The following SEPHS1 variants were observed in gnomAD, a reference collection of about 807,000 sequenced individuals.
SEPHS1 encodes selenophosphate synthetase 1, also known as zincore component SEPHS1.
In SEPHS1, 7 loss-of-function variants were observed where a neutral mutation model predicts 39.2. That is an observed-to-expected ratio of 0.18 (90% confidence interval 0.10 to 0.34). The LOEUF (loss-of-function observed/expected upper bound fraction) is 0.34. Ranked by LOEUF, SEPHS1 falls within the 10% of genes least tolerant of loss-of-function variation. The pLI, the probability that SEPHS1 is intolerant of heterozygous loss-of-function variation, is 1.00. For synonymous variants in SEPHS1, 190 were observed against 195.5 expected (o/e 0.97, Z 0.23); for missense variants, 253 against 514.5 (o/e 0.49, Z 4.92).
chr10:13,344,170 A>G (rs1246765536), intron 2 of SEPHS1, among the ~76,000 whole-genome samples: 2 of 152,100 alleles, frequency 1.3e-5, no homozygotes, highest in Admixed American at 6.5e-5. Context: ...GAGAACCCCA[A>G]TGCCCTCCTG....
chr10:13,341,742 G>A (rs1833791172), intron 2 of SEPHS1, among the ~76,000 whole-genome samples: 1 of 151,452 alleles, frequency 6.6e-6, no homozygotes, highest in East Asian at 2.0e-4. Flanking sequence ...AGATCACTTA[G>A]AGTCAGGAGT....
At chr10:13,332,571 C>T (rs1029376649) in intron 5 of SEPHS1, among the ~76,000 whole-genome samples, 4 of 152,100 alleles carry the variant, frequency 2.6e-5, no homozygotes, top group African/African-American at 4.8e-5. Flanking sequence ...CAGCCGGGCG[C>T]GGTGGCTCAC....
chr10:13,334,184 G>A (rs1833555357), intron 4 of SEPHS1, among the ~76,000 whole-genome samples: 1 of 152,054 alleles, frequency 6.6e-6, no homozygotes, highest in Admixed American at 6.6e-5. Context: ...GAGAGCTTGA[G>A]CCCAGGAGTT....
At chr10:13,319,557 C>T (rs1246169876) in intron 8 of SEPHS1, among the ~76,000 whole-genome samples, 5 of 152,196 alleles carry the variant, frequency 3.3e-5, no homozygotes, top group Admixed American at 3.3e-4. Context: ...GGTACAATCA[C>T]AGCTCACTGC....
intron 7 of SEPHS1, among the ~76,000 whole-genome samples, chr10:13,325,613 C>T (rs961234077): frequency 1.3e-5 from 2 of 152,142 alleles, no homozygotes; most frequent in Admixed American, 6.5e-5. Context: ...AAACCTCTTT[C>T]CTTTATAAAT....
At chr10:13,324,540 C>T (rs1365073357) in intron 7 of SEPHS1, among the ~76,000 whole-genome samples, 2 of 152,246 alleles carry the variant, frequency 1.3e-5, no homozygotes, top group Non-Finnish European at 2.9e-5. Flanking sequence ...TGCCAGTTTT[C>T]AGTCCTACCA....
chr10:13,336,287 T>G lies in SEPHS1; in HGVS notation c.361A>C (p.Asn121His). 1 of 1,614,064 alleles carries G rather than the reference T, an allele frequency of 6.2e-7. No homozygotes were observed. Among genetic ancestry groups the G allele is most frequent in the Non-Finnish European group, 8.5e-7 (1 of 1,179,964 alleles). ...LYAMGVTECD[N>H]MLMLLGVSNK... ...CTGACTCCAAGGAGCATCAGCATATTGTCACATTCCGTGACCCCCATTGCA... is the reference window on the plus strand; with the variant it reads ...CTGACTCCAAGGAGCATCAGCATATGGTCACATTCCGTGACCCCCATTGCA... Residue 121 changes from asparagine to histidine, a missense_variant, in exon 4 of 9, where the codon AAT becomes CAT. Asn to His is a moderately conservative substitution (Grantham distance 68, BLOSUM62 1). Transcript: ENST00000327347.
intron 5 of SEPHS1, among the ~76,000 whole-genome samples, chr10:13,332,829 T>C (rs141585883): frequency 6.8e-6 from 1 of 146,616 alleles, no homozygotes; most frequent in African/African-American, 2.6e-5. Flanking sequence ...GGCGACGGAG[T>C]AAGACTCCGT....
intron 7 of SEPHS1, among the ~76,000 whole-genome samples, chr10:13,327,630 G>A (rs189414014): frequency 8.5e-5 from 13 of 152,314 alleles, no homozygotes; most frequent in Non-Finnish European, 1.8e-4. Flanking sequence ...ATTGTAAACT[G>A]TGGTGAACAC....
chr10:13,329,953 T>C (rs1467172721), intron 5 of SEPHS1, among the ~76,000 whole-genome samples, 165 bp from the exon 6 acceptor site: 2 of 152,214 alleles, frequency 1.3e-5, no homozygotes, highest in Non-Finnish European at 2.9e-5. Context: ...TGCAACCTGC[T>C]ACTGAGGCTA....
In SEPHS1 at chr10:13,317,560, T is replaced by C. The variant is rs1439837978; in HGVS notation, c.*1582A>G. 6.6e-6 allele frequency: 1 copy of C among 152,228 alleles called. No individual in the cohort carries two copies. The highest frequency in any genetic ancestry group is 2.4e-5 in the African/African-American group (1 of 41,454). 9.4% of individuals were successfully genotyped at this position (152,228 alleles called of 1,614,324 possible). A position where few individuals can be genotyped will look rare whatever the true frequency, so the allele number is the denominator to read the frequency against. ...AGTTCCGTAGCAGGCTCTTCCATAC[T>C]GCACACCATGCTTATGGCTGGAGGT... On this transcript the variant is annotated 3_prime_UTR_variant, in exon 9 of 9. Transcript: ENST00000327347.
intron 5 of SEPHS1, among the ~76,000 whole-genome samples, chr10:13,333,370 T>C (rs1225898372): frequency 2.0e-5 from 3 of 151,850 alleles, no homozygotes; most frequent in Non-Finnish European, 4.4e-5. Flanking sequence ...CAACCTCAGG[T>C]GATCCACCCG....
At chr10:13,335,383 A>T (rs945913256) in intron 4 of SEPHS1, among the ~76,000 whole-genome samples, 2 of 152,228 alleles carry the variant, frequency 1.3e-5, no homozygotes, top group Admixed American at 6.5e-5. Context: ...AAAAATGCAC[A>T]GGTCGGGCAC....
At chr10:13,338,045 T>C (rs1166413074) in intron 3 of SEPHS1, among the ~76,000 whole-genome samples, 1 of 152,124 alleles carries the variant, frequency 6.6e-6, no homozygotes, top group Middle Eastern at 3.4e-3. Context: ...GGGTTAAAGG[T>C]TGGGTGGATC....
At chr10:13,346,568 G>A (rs577469374) in intron 1 of SEPHS1, among the ~76,000 whole-genome samples, 1 of 152,106 alleles carries the variant, frequency 6.6e-6, no homozygotes, top group Non-Finnish European at 1.5e-5. Flanking sequence ...GGCGCTGGCC[G>A]CAAGTGACAA....
chr10:13,323,074 G>GA (rs771518716), intron 7 of SEPHS1, 27 bp from the exon 8 acceptor site: 9 of 1,592,888 alleles, frequency 5.7e-6, no homozygotes, highest in African/African-American at 1.3e-5. Context: ...GCGGCTCTGA[G>GA]AAAAAACACC....
chr10:13,323,137 T>C, intron 7 of SEPHS1, 90 bp from the exon 8 acceptor site: 3 of 1,004,122 alleles, frequency 3.0e-6, no homozygotes, highest in Non-Finnish European at 4.6e-6. Context: ...CTTCCTTACT[T>C]GTCAGGGAGA....
chr10:13,342,001 G>A (rs1242659403), intron 2 of SEPHS1, among the ~76,000 whole-genome samples: 1 of 148,408 alleles, frequency 6.7e-6, no homozygotes, highest in African/African-American at 2.5e-5. Flanking sequence ...AAAAGATGGC[G>A]GGGCGCGGTG....
chr10:13,323,938 T>C (rs1232447996), intron 7 of SEPHS1, among the ~76,000 whole-genome samples: 1 of 152,108 alleles, frequency 6.6e-6, no homozygotes, highest in Non-Finnish European at 1.5e-5. Flanking sequence ...TATCCATTCA[T>C]CCACTCACCT....
Sources: allele counts gnomAD v4.1 joint callset (sites outside exome capture counted in the v4.1 genomes callset), GRCh38; gene constraint gnomAD v4.1.1; transcripts MANE v1.5; gene names NCBI Gene and HGNC (gene_info 2026-07-23, HGNC 2026-07-21).